The following EYS variants were observed in gnomAD, a reference collection of about 807,000 sequenced individuals.
The protein encoded by EYS is EGF-like photoreceptor maintenance factor.
In EYS, 250 loss-of-function variants were observed where a neutral mutation model predicts 282.1. That is an observed-to-expected ratio of 0.89 (90% CI 0.80 to 0.98). The LOEUF is 0.98. Among genes scored for constraint, EYS ranks in the 50% least tolerant of loss-of-function variants. The pLI, the probability that EYS is intolerant of heterozygous loss-of-function variation, is 0.00. For synonymous variants in EYS, 1,355 were observed against 1,282.9 expected (o/e 1.06, Z -1.20); for missense variants, 4,016 against 3,709.0 (o/e 1.08, Z -2.15).
At chr6:65,412,067 AC>A (rs914356104) in intron 5 of EYS, among the ~76,000 whole-genome samples, 78 of 152,088 alleles carry the variant, frequency 5.1e-4, no homozygotes, top group African/African-American at 1.8e-3. Flanking sequence ...TAAGATTAGT[AC>A]CCTTATAATA....
chr6:64,939,256 T>C (rs1769011647), intron 15 of EYS, among the ~76,000 whole-genome samples: 1 of 151,810 alleles, frequency 6.6e-6, no homozygotes. Flanking sequence ...TTAAATTTTA[T>C]AGCCAGATAA....
rs1771407812 is a variant in EYS at position 64,999,885 on chromosome 6, A to G, written c.2138-2182T>C. Among the ~76,000 whole-genome samples, 4 of 152,234 alleles carry G rather than the reference A, an allele frequency of 2.6e-5. No homozygotes were observed. The South Asian group carries it at 8.3e-4, about 32-fold the overall frequency. On this transcript the variant is annotated intron_variant, in intron 13 of 42. Transcript: ENST00000503581. ...GAAAACCACCTCCCTTCTGGCTTGC[A>G]TTGTCTGAGAGCTACTTCCACCCAG...
chr6:65,085,657 A>G (rs1561958022), intron 12 of EYS, among the ~76,000 whole-genome samples: 1 of 152,144 alleles, frequency 6.6e-6, no homozygotes, highest in Non-Finnish European at 1.5e-5. Flanking sequence ...TTGTTTGATG[A>G]CTTTTTTAAA....
At chr6:63,733,496 G>T (rs879427720) in intron 41 of EYS, among the ~76,000 whole-genome samples, 2 of 147,006 alleles carry the variant, frequency 1.4e-5, no homozygotes, top group Admixed American at 6.8e-5. Flanking sequence ...ATATCTGTTT[G>T]TACTCAGTGT....
At chr6:65,581,795 A>C (rs1419201682) in intron 2 of EYS, among the ~76,000 whole-genome samples, 2 of 152,174 alleles carry the variant, frequency 1.3e-5, no homozygotes, top group African/African-American at 4.8e-5. Context: ...AAATAAAAAA[A>C]TTAGTAGCAA....
At chr6:64,991,513 T>G (rs921362312) in intron 14 of EYS, among the ~76,000 whole-genome samples, 3 of 151,656 alleles carry the variant, frequency 2.0e-5, no homozygotes, top group Non-Finnish European at 4.4e-5. Flanking sequence ...ATTTTTAATA[T>G]GCTCATAATG....
chr6:65,169,199 T>C (rs1306072468), intron 12 of EYS, among the ~76,000 whole-genome samples: 2 of 151,596 alleles, frequency 1.3e-5, no homozygotes, highest in South Asian at 4.1e-4. Flanking sequence ...AAATGTATTC[T>C]ATTATTTTTA....
At chr6:63,911,889 TTGAG>T (rs896426931) in intron 35 of EYS, among the ~76,000 whole-genome samples, 1 of 152,228 alleles carries the variant, frequency 6.6e-6, no homozygotes, top group African/African-American at 2.4e-5. Context: ...CATCTATGTG[TTGAG>T]TATGTGCAAA....
Position 63,762,482 on chromosome 6 carries a change from T to G in EYS, c.8050A>C (p.Thr2684Pro). The change falls in exon 41 of 43, where the codon ACT becomes CCT. Residue 2684 changes from threonine (T) to proline (P), a missense_variant. Thr to Pro is a conservative substitution (Grantham distance 38). Transcript: ENST00000503581. ...GYTCFCPLGT[T>P]GIYCEQALSI... The stretch of plus-strand genomic sequence containing the variant: ...TCACCTTGTTCACAGTAGATTCCAG[T>G]GGTTCCTAGAGGACAGAAACAGGTG... 2 of 1,550,166 alleles carry G rather than the reference T, an allele frequency of 1.3e-6. No individual in the cohort carries two copies. Among genetic ancestry groups the G allele is most frequent in the South Asian group, 2.4e-5 (2 of 84,028 alleles).
Position 65,185,009 on chromosome 6 carries a change from T to A in EYS, c.2023+110854A>T, listed in dbSNP as rs192362671. On this transcript the variant is annotated intron_variant, in intron 12 of 42. Coordinates refer to ENST00000503581, the MANE Select transcript of EYS (RefSeq NM_001142800.2). ...AAAAATAAATTTGAAGTGGGAAATT[T>A]TCATACATATTGTATGTAAAAAAGA... 2.5e-3 allele frequency among the ~76,000 whole-genome samples: 382 copies of A among 150,256 alleles called. 4 individuals carry two copies. Among genetic ancestry groups the A allele is most frequent in the African/African-American group, 8.8e-3 (359 of 40,680 alleles).
chr6:65,207,771 T>C (rs544189892), intron 12 of EYS, among the ~76,000 whole-genome samples: 1 of 151,554 alleles, frequency 6.6e-6, no homozygotes, highest in South Asian at 2.1e-4. Flanking sequence ...AAATAAACAA[T>C]AGGGAAAGGA....
chr6:65,197,462 G>C (rs1026631305), intron 12 of EYS, among the ~76,000 whole-genome samples: 3 of 152,108 alleles, frequency 2.0e-5, no homozygotes, highest in African/African-American at 7.2e-5. Flanking sequence ...GAGCAGAAAG[G>C]TGGTCAGTGG....
intron 26 of EYS, among the ~76,000 whole-genome samples, chr6:64,524,210 A>AT (rs200892204): frequency 6.6e-5 from 10 of 151,642 alleles, no homozygotes; most frequent in East Asian, 1.9e-4. Flanking sequence ...ATATAGATAT[A>AT]TTTTTTTGCC....
chr6:65,660,417 T>C (rs1311848659), intron 1 of EYS, among the ~76,000 whole-genome samples: 1 of 151,832 alleles, frequency 6.6e-6, no homozygotes, highest in Non-Finnish European at 1.5e-5. Context: ...GTTCCTCATG[T>C]AGCACTTAGT....
At chr6:64,032,751 A>G (rs1408926426) in intron 33 of EYS, among the ~76,000 whole-genome samples, 1 of 152,236 alleles carries the variant, frequency 6.6e-6, no homozygotes, top group Non-Finnish European at 1.5e-5. Context: ...ACTGGATTAT[A>G]AAGGATACTA....
intron 24 of EYS, among the ~76,000 whole-genome samples, chr6:64,596,936 G>GA (rs1366123949): frequency 3.9e-5 from 6 of 152,156 alleles, no homozygotes; most frequent in Admixed American, 3.9e-4. Flanking sequence ...TGCAGAATGA[G>GA]AAAAAATGTT....
intron 19 of EYS, among the ~76,000 whole-genome samples, chr6:64,833,783 TA>T (rs916248484): frequency 3.3e-5 from 5 of 151,864 alleles, no homozygotes; most frequent in African/African-American, 1.2e-4. Flanking sequence ...CTTTCTTTTA[TA>T]ATTAAAAAAA....
At chr6:64,561,937 A>C (rs1765407606) in intron 26 of EYS, among the ~76,000 whole-genome samples, 1 of 151,026 alleles carries the variant, frequency 6.6e-6, no homozygotes, top group Non-Finnish European at 1.5e-5. Context: ...AAAAAAAAAA[A>C]AGAGCTCCAA....
intron 26 of EYS, among the ~76,000 whole-genome samples, chr6:64,587,717 T>C (rs1766276330): frequency 6.6e-6 from 1 of 151,998 alleles, no homozygotes; most frequent in Non-Finnish European, 1.5e-5. Context: ...CAATCTTTCA[T>C]GGATACCAAA....
Sources: allele counts gnomAD v4.1 joint callset (sites outside exome capture counted in the v4.1 genomes callset), GRCh38; gene constraint gnomAD v4.1.1; transcripts MANE v1.5; gene names NCBI Gene and HGNC (gene_info 2026-07-23, HGNC 2026-07-21).